Variants in GLCE observed in about 807,000 individuals in gnomAD.
The protein encoded by GLCE is glucuronic acid epimerase.
GLCE carries 19 observed loss-of-function variants against 47.9 expected under a neutral mutation model. The ratio of observed to expected loss-of-function variants is 0.40; its 90% CI spans 0.28 to 0.58. GLCE has a LOEUF of 0.58. Ranked by LOEUF, GLCE falls within the 20% of genes least tolerant of loss-of-function variation. The pLI, the probability that GLCE is intolerant of heterozygous loss-of-function variation, is 0.48. For missense variants in GLCE, 556 were observed against 743.3 expected (o/e 0.75, Z 2.93); for synonymous variants, 245 against 263.4 (o/e 0.93, Z 0.68).
chr15:69,250,546 T>A (rs887255692), intron 2 of GLCE, among the ~76,000 whole-genome samples: 4 of 152,114 alleles, frequency 2.6e-5, no homozygotes, highest in Admixed American at 2.6e-4. Flanking sequence ...CTCGCTGTGT[T>A]GCCCAGGCTG....
rs1029904961 is a variant in GLCE at position 69,228,834 on chromosome 15, A to G, written c.-14+18428A>G. Among the ~76,000 whole-genome samples, 7 of 152,102 alleles carry G rather than the reference A, an allele frequency of 4.6e-5. No individual in the cohort carries two copies. In the East Asian group the frequency reaches 1.2e-3, roughly 25 times the overall value. Reference sequence around the variant, plus strand: ...CCCAAGTAGCTGGGACTACAGATGCATGCCACCACACCTAGCTAATTTTCT... The same window carrying G: ...CCCAAGTAGCTGGGACTACAGATGCGTGCCACCACACCTAGCTAATTTTCT... On this transcript the variant is annotated intron_variant, in intron 2 of 4. Coordinates refer to ENST00000261858, the MANE Select transcript of GLCE (RefSeq NM_015554.3).
In GLCE at chr15:69,271,513, C is replaced by T. The variant is rs2053166678; in HGVS notation, c.*2269C>T. The T allele has an allele frequency of 6.6e-6, 1 of 152,562 alleles. No homozygotes were observed. The highest frequency in any genetic ancestry group is 1.5e-5 in the Non-Finnish European group (1 of 68,018). 9.5% of individuals were successfully genotyped at this position (152,562 alleles called of 1,614,324 possible). A position where few individuals can be genotyped will look rare whatever the true frequency, so the allele number is the denominator to read the frequency against. ...CCTGGACTATCCATTGCATTTTTGC[C>T]TCTAAACAACTACAGAATTTTCTAG... On this transcript the variant is annotated 3_prime_UTR_variant, in exon 5 of 5. Coordinates refer to ENST00000261858, the MANE Select transcript of GLCE (RefSeq NM_015554.3).
At chr15:69,243,079 AAG>A (rs1302093537) in intron 2 of GLCE, among the ~76,000 whole-genome samples, 26 of 150,948 alleles carry the variant, frequency 1.7e-4, no homozygotes, top group African/African-American at 6.3e-4. Flanking sequence ...AAAAAAAAGA[AAG>A]AAAGAAATGA....
intron 3 of GLCE, among the ~76,000 whole-genome samples, chr15:69,257,912 A>G (rs997441580): frequency 1.6e-4 from 25 of 152,072 alleles, no homozygotes; most frequent in African/African-American, 6.0e-4. Context: ...AAAAAAGTAA[A>G]AAGTACCCAT....
At chr15:69,175,612 T>G (rs2051651163) in intron 1 of GLCE, among the ~76,000 whole-genome samples, 1 of 152,222 alleles carries the variant, frequency 6.6e-6, no homozygotes, top group South Asian at 2.1e-4. Flanking sequence ...TTCTATATTC[T>G]TCATTCCCTG....
intron 1 of GLCE, among the ~76,000 whole-genome samples, chr15:69,168,035 TC>T (rs1191033318): frequency 1.3e-5 from 2 of 152,214 alleles, no homozygotes; most frequent in South Asian, 2.1e-4. Flanking sequence ...CAATATCTCT[TC>T]CACACATACT....
intron 2 of GLCE, among the ~76,000 whole-genome samples, chr15:69,229,197 A>G (rs2052487631): frequency 1.3e-5 from 2 of 152,262 alleles, no homozygotes; most frequent in Non-Finnish European, 2.9e-5. Flanking sequence ...GGAAAGACAT[A>G]ATAATTCTAA....
chr15:69,209,169 A>G (rs1168803800), intron 1 of GLCE, among the ~76,000 whole-genome samples: 2 of 151,762 alleles, frequency 1.3e-5, no homozygotes. Context: ...TCTCTGTTTC[A>G]AGAATGTTTG....
At chr15:69,205,553 T>G (rs1595754165) in intron 1 of GLCE, among the ~76,000 whole-genome samples, 1 of 152,140 alleles carries the variant, frequency 6.6e-6, no homozygotes, top group Non-Finnish European at 1.5e-5. Context: ...ATATTTATTG[T>G]CAAGAAATTG....
At chr15:69,233,488 C>T (rs1214645767) in intron 2 of GLCE, among the ~76,000 whole-genome samples, 2 of 152,184 alleles carry the variant, frequency 1.3e-5, no homozygotes, top group Admixed American at 6.5e-5. Context: ...AATGCTTTCT[C>T]CCTCCCAACC....
At chr15:69,165,204 T>C (rs919928452) in intron 1 of GLCE, among the ~76,000 whole-genome samples, 2 of 152,184 alleles carry the variant, frequency 1.3e-5, no homozygotes, top group African/African-American at 4.8e-5. Flanking sequence ...CAGCATCCAC[T>C]AGCTATTCTT....
At chr15:69,196,249 G>A (rs992239967) in intron 1 of GLCE, among the ~76,000 whole-genome samples, 7 of 152,092 alleles carry the variant, frequency 4.6e-5, no homozygotes, top group Admixed American at 6.6e-5. Flanking sequence ...TGGAGTGTTA[G>A]GCTGGTGCAG....
At chr15:69,165,284 C>T (rs1477471120) in intron 1 of GLCE, among the ~76,000 whole-genome samples, 1 of 152,144 alleles carries the variant, frequency 6.6e-6, no homozygotes, top group African/African-American at 2.4e-5. Flanking sequence ...AACTCTCTAT[C>T]GTTACAAGGC....
rs752270832 is a variant in GLCE at position 69,256,440 on chromosome 15, G to T, written c.586+48G>T. ...TGCATTTTTCAAGCATGATTGTGTT[G>T]AGGAATAAGAAAATGTTGTTAATTA... is the stretch of plus-strand genomic sequence containing the variant. On this transcript the variant is annotated intron_variant, in intron 3 of 4. Transcript: ENST00000261858. The T allele has an allele frequency of 4.0e-6, 5 of 1,245,774 alleles. No homozygotes were observed. In the East Asian group the frequency reaches 1.2e-4, roughly 29 times the overall value. 77.2% of individuals were successfully genotyped at this position (1,245,774 alleles called of 1,614,324 possible).
At chr15:69,214,602 G>A (rs916769264) in intron 2 of GLCE, among the ~76,000 whole-genome samples, 9 of 152,122 alleles carry the variant, frequency 5.9e-5, no homozygotes, top group East Asian at 1.9e-4. Flanking sequence ...GAAAACGGAC[G>A]AATTACATAT....
chr15:69,243,374 A>G (rs1394904141), intron 2 of GLCE, among the ~76,000 whole-genome samples: 4 of 152,082 alleles, frequency 2.6e-5, no homozygotes, highest in Admixed American at 1.3e-4. Flanking sequence ...CTTTCCTTAG[A>G]TGGTTCTCCT....
intron 1 of GLCE, among the ~76,000 whole-genome samples, chr15:69,177,041 T>TG: frequency 6.6e-6 from 1 of 151,724 alleles, no homozygotes; most frequent in East Asian, 1.9e-4. Flanking sequence ...TTTTTTTTTT[T>TG]GAGACAGTCT....
intron 2 of GLCE, among the ~76,000 whole-genome samples, chr15:69,233,814 T>C (rs2140408273): frequency 6.6e-6 from 1 of 152,348 alleles, no homozygotes; most frequent in South Asian, 2.1e-4. Flanking sequence ...GAGTTTATTA[T>C]GATGTGTGAG....
At chr15:69,191,466 GAA>G (rs574943167) in intron 1 of GLCE, among the ~76,000 whole-genome samples, 36 of 152,228 alleles carry the variant, frequency 2.4e-4, no homozygotes, top group African/African-American at 8.7e-4. Flanking sequence ...AAGTCTGGAG[GAA>G]ACAAGGCACA....
Sources: gnomAD v4.1 joint callset for allele counts (sites outside exome capture counted in the v4.1 genomes callset) on GRCh38, gnomAD v4.1.1 for gene constraint, MANE v1.5 for transcripts, NCBI Gene and HGNC (gene_info 2026-07-23, HGNC 2026-07-21) for gene names.